The following RNF121 variants were observed in gnomAD, a reference collection of about 807,000 sequenced individuals.
RNF121 encodes ring finger protein 121.
A neutral mutation model predicts 46.5 loss-of-function variants in RNF121; 21 were observed. The ratio of observed to expected loss-of-function variants is 0.45; its 90% CI spans 0.32 to 0.65. RNF121 has a LOEUF of 0.65. Ranked by LOEUF, RNF121 falls within the 30% of genes least tolerant of loss-of-function variation. The pLI is 0.04. For missense variants in RNF121, 346 were observed against 416.0 expected, an observed-to-expected ratio of 0.83 and a Z score of 1.46; for synonymous variants, 139 against 144.7, an observed-to-expected ratio of 0.96 and a Z score of 0.28.
At chr11:71,931,270 A>T (rs1256891911) in intron 1 of RNF121, among the ~76,000 whole-genome samples, 1 of 152,234 alleles carries the variant, frequency 6.6e-6, no homozygotes, top group Non-Finnish European at 1.5e-5. Flanking sequence ...CTTTATATGA[A>T]ACCACTAGCA....
At chr11:71,940,459 C>T (rs79333927) in intron 1 of RNF121, among the ~76,000 whole-genome samples, 3,897 of 152,166 alleles carry the variant, frequency 0.026, 54 homozygotes, top group East Asian at 0.074. Context: ...TTCATTAGAG[C>T]ATTAGGAATG....
intron 4 of RNF121, 31 bp downstream of exon 4, chr11:71,982,946 G>C: frequency 6.4e-7 from 1 of 1,564,574 alleles, no homozygotes; most frequent in Non-Finnish European, 8.6e-7. Context: ...AAGAGCCCAG[G>C]TTTTCCGAAG....
intron 1 of RNF121, among the ~76,000 whole-genome samples, chr11:71,943,913 G>A (rs990062250): frequency 6.6e-6 from 1 of 152,176 alleles, no homozygotes. Context: ...TAGAAGGTGG[G>A]GAGTAATGAT....
intron 1 of RNF121, among the ~76,000 whole-genome samples, chr11:71,942,540 A>G (rs1360886707): frequency 6.6e-6 from 1 of 151,868 alleles, no homozygotes; most frequent in Non-Finnish European, 1.5e-5. Flanking sequence ...AGGCGGGCGG[A>G]TTACTTGAGA....
Position 71,995,448 on chromosome 11 carries a change from A to G in RNF121, c.762-2A>G. On this transcript the variant is annotated splice_acceptor_variant, in intron 7 of 8. Transcript: ENST00000361756. LOFTEE classifies it high-confidence loss of function. ...CCATTTCCCTTGACCAGCGGTGCTC[A>G]GCTTCCACGAGTTCTGCATCCGTGG... 6.4e-7 allele frequency: 1 copy of G among 1,573,146 alleles called. No individual in the cohort carries two copies. Among genetic ancestry groups the G allele is most frequent in the Non-Finnish European group, 8.6e-7 (1 of 1,156,908 alleles).
chr11:71,984,066 G>T (rs1430020733), intron 4 of RNF121, among the ~76,000 whole-genome samples: 3 of 152,180 alleles, frequency 2.0e-5, no homozygotes, highest in African/African-American at 7.2e-5. Context: ...CCTGCCACTT[G>T]TTCACTGTAT....
chr11:71,971,334 A>T (rs1954416358), intron 3 of RNF121, among the ~76,000 whole-genome samples: 1 of 152,218 alleles, frequency 6.6e-6, no homozygotes, highest in African/African-American at 2.4e-5. Flanking sequence ...CAGTGAGCTG[A>T]GATCATGGCA....
In RNF121 at chr11:71,996,757, G is replaced by A. The variant is rs867053062; in HGVS notation, c.*442G>A. On this transcript the variant is annotated 3_prime_UTR_variant, in exon 9 of 9. Coordinates refer to ENST00000361756, the MANE Select transcript of RNF121 (RefSeq NM_018320.5). ...GTGGGGCTCAAGCCTGGTGCACTTA[G>A]TATAGAAGAGCTAACGTACTCAGGC... The A allele has an allele frequency of 3.4e-4, 60 of 174,810 alleles. No individual in the cohort carries two copies. The highest frequency in any genetic ancestry group is 1.4e-3 in the African/African-American group (57 of 42,034). The allele number at this position is 174,810 out of a possible 1,614,324, so 10.8% of individuals were successfully genotyped here. A position where few individuals can be genotyped will look rare whatever the true frequency, so the allele number is the denominator to read the frequency against.
chr11:71,993,969 T>G (rs1954918867), intron 6 of RNF121, among the ~76,000 whole-genome samples: 1 of 151,494 alleles, frequency 6.6e-6, no homozygotes, highest in South Asian at 2.1e-4. Flanking sequence ...GCCTCCTGAG[T>G]AGCTGGGACT....
At chr11:71,978,485 A>G (rs1954580076) in intron 3 of RNF121, among the ~76,000 whole-genome samples, 1 of 152,178 alleles carries the variant, frequency 6.6e-6, no homozygotes, top group East Asian at 1.9e-4. Context: ...TTATAACCTT[A>G]TCACTTTTCA....
intron 3 of RNF121, among the ~76,000 whole-genome samples, chr11:71,980,742 TG>T (rs1954633731): frequency 6.6e-6 from 1 of 152,228 alleles, no homozygotes; most frequent in Non-Finnish European, 1.5e-5. Context: ...CTACCTATTA[TG>T]GTAGCCATCA....
At chr11:71,952,528 G>T (rs1405374969) in intron 1 of RNF121, among the ~76,000 whole-genome samples, 1 of 152,170 alleles carries the variant, frequency 6.6e-6, no homozygotes, top group Non-Finnish European at 1.5e-5. Context: ...TAAATACATG[G>T]CCAGGCTCGG....
chr11:71,980,612 G>A (rs1954631367), intron 3 of RNF121, among the ~76,000 whole-genome samples: 1 of 152,150 alleles, frequency 6.6e-6, no homozygotes, highest in East Asian at 1.9e-4. Context: ...CTCCCAAAGT[G>A]CTGGGATTAC....
At chr11:71,979,642 C>G (rs1052312027) in intron 3 of RNF121, among the ~76,000 whole-genome samples, 4 of 152,232 alleles carry the variant, frequency 2.6e-5, no homozygotes, top group Admixed American at 1.3e-4. Context: ...CTCTGCTTCT[C>G]TCCTCACCCA....
intron 4 of RNF121, among the ~76,000 whole-genome samples, chr11:71,986,769 C>CAAAAAA (rs11315989): frequency 2.8e-5 from 2 of 71,968 alleles, no homozygotes; most frequent in African/African-American, 5.2e-5. Context: ...ACTCTCATCT[C>CAAAAAA]AAAAAAAAAA....
At chr11:71,950,514 G>A (rs768744942) in intron 1 of RNF121, among the ~76,000 whole-genome samples, 1 of 151,420 alleles carries the variant, frequency 6.6e-6, no homozygotes, top group Non-Finnish European at 1.5e-5. Flanking sequence ...AACCCAGGAG[G>A]TGGAGGTTGC....
intron 3 of RNF121, among the ~76,000 whole-genome samples, chr11:71,968,594 T>C (rs1260560243): frequency 1.3e-5 from 2 of 152,188 alleles, no homozygotes; most frequent in Non-Finnish European, 2.9e-5. Flanking sequence ...AGCATAAATA[T>C]AGTTGGGACA....
intron 4 of RNF121, among the ~76,000 whole-genome samples, chr11:71,984,842 C>A (rs888339417): frequency 6.6e-6 from 1 of 151,054 alleles, no homozygotes; most frequent in Non-Finnish European, 1.5e-5. Context: ...CCGCCTCGGG[C>A]TCCCAAAGTG....
At chr11:71,992,631 T>C (rs1013165339) in intron 6 of RNF121, among the ~76,000 whole-genome samples, 2 of 152,188 alleles carry the variant, frequency 1.3e-5, no homozygotes, top group Non-Finnish European at 2.9e-5. Context: ...GACTTAGATA[T>C]AGTTTGGTTC....
Sources: allele counts gnomAD v4.1 joint callset (sites outside exome capture counted in the v4.1 genomes callset), GRCh38; gene constraint gnomAD v4.1.1; transcripts MANE v1.5; gene names NCBI Gene and HGNC (gene_info 2026-07-23, HGNC 2026-07-21).